The following ESCO1 variants were observed in gnomAD, a reference collection of about 807,000 sequenced individuals.
ESCO1 encodes N-acetyltransferase ESCO1.
In ESCO1, 33 loss-of-function variants were observed where a neutral mutation model predicts 83.5. That is an observed-to-expected ratio of 0.40 (90% CI 0.30 to 0.53). The LOEUF is 0.53. Ranked by LOEUF, ESCO1 falls within the 20% of genes least tolerant of loss-of-function variation. ESCO1 has a pLI of 0.63. For missense variants in ESCO1, 855 were observed against 968.0 expected (o/e 0.88, Z 1.55); for synonymous variants, 332 against 324.3 (o/e 1.02, Z -0.25).
At chr18:21,547,097 C>T (rs28609256) in intron 8 of ESCO1, among the ~76,000 whole-genome samples, 3,186 of 152,210 alleles carry the variant, frequency 0.021, 120 homozygotes, top group African/African-American at 0.072. Context: ...AGTGCTAACC[C>T]GACTTTTCCA....
Position 21,574,392 on chromosome 18 carries a change from C to A in ESCO1, c.452G>T (p.Ser151Ile). The change falls in exon 4 of 12, where the codon AGT becomes ATT. Residue 151 changes from serine to isoleucine, a missense_variant. Around this residue, in one of 2 missense-constraint regions of ESCO1, gnomAD observed 726 missense variants for 699.5 expected, o/e 1.04. Coordinates refer to ENST00000269214, the MANE Select transcript of ESCO1 (RefSeq NM_052911.3). Reference protein sequence around the residue: ...IQGQVQAVKQSLPPTKKEQCS... With the variant: ...IQGQVQAVKQILPPTKKEQCS... ...CTGCTCTTTTTTAGTTGGTGGCAAA[C>A]TCTGTTTAACTGCTTGAACTTGACC... 1 of 1,614,066 alleles carries A rather than the reference C, an allele frequency of 6.2e-7. No homozygotes were observed.
chr18:21,568,646 T>A (rs1294011307), intron 4 of ESCO1, among the ~76,000 whole-genome samples: 1 of 152,194 alleles, frequency 6.6e-6, no homozygotes, highest in East Asian at 1.9e-4. Flanking sequence ...CTAATGCCTG[T>A]AATCCCAGCA....
intron 6 of ESCO1, among the ~76,000 whole-genome samples, chr18:21,565,535 T>A (rs1447446809): frequency 6.6e-6 from 1 of 152,230 alleles, no homozygotes; most frequent in Non-Finnish European, 1.5e-5. Flanking sequence ...ACATAGGATT[T>A]GTCTTTTCTG....
chr18:21,532,714 T>C, intron 10 of ESCO1, 54 bp from the exon 11 acceptor site: 3 of 1,551,150 alleles, frequency 1.9e-6, no homozygotes, highest in East Asian at 2.3e-5. Flanking sequence ...AATTAGCAAC[T>C]AATACTGATC....
At chr18:21,570,616 A>C (rs2038327128) in intron 4 of ESCO1, among the ~76,000 whole-genome samples, 1 of 152,318 alleles carries the variant, frequency 6.6e-6, no homozygotes, top group South Asian at 2.1e-4. Flanking sequence ...AGAAATAAAA[A>C]CTGAAAAGAT....
intron 6 of ESCO1, among the ~76,000 whole-genome samples, chr18:21,565,727 A>G (rs940772354): frequency 1.3e-5 from 2 of 152,204 alleles, no homozygotes; most frequent in African/African-American, 2.4e-5. Context: ...ACTTGAGGCC[A>G]GGAGTTCGAG....
chr18:21,579,795 CACACACA>C (rs1568109875), intron 2 of ESCO1, among the ~76,000 whole-genome samples: 484 of 10,580 alleles, frequency 0.046, 9 homozygotes, highest in African/African-American at 0.06. Context: ...CGCGCGCGCG[CACACACA>C]CACACACACA....
At chr18:21,592,444 C>T (rs1444715703) in intron 1 of ESCO1, among the ~76,000 whole-genome samples, 1 of 148,280 alleles carries the variant, frequency 6.7e-6, no homozygotes, top group Admixed American at 6.6e-5. Flanking sequence ...CCCCCACCTC[C>T]CTCCCGGATG....
chr18:21,541,539 G>A (rs2037906835), intron 8 of ESCO1, among the ~76,000 whole-genome samples: 1 of 147,404 alleles, frequency 6.8e-6, no homozygotes, highest in Non-Finnish European at 1.5e-5. Flanking sequence ...GTTGCAGTGA[G>A]CTGAGTTCGC....
chr18:21,580,551 C>T (rs1568110262), intron 2 of ESCO1, among the ~76,000 whole-genome samples: 1 of 151,574 alleles, frequency 6.6e-6, no homozygotes, highest in East Asian at 1.9e-4. Flanking sequence ...GAATGTGCAC[C>T]AAAAAATAAG....
intron 8 of ESCO1, chr18:21,540,738 A>C: frequency 8.0e-7 from 1 of 1,248,574 alleles, no homozygotes; most frequent in Non-Finnish European, 1.0e-6. Flanking sequence ...AGCCACTTAA[A>C]TCTAGTAAGA....
chr18:21,534,806 G>A (rs946748410), intron 10 of ESCO1, among the ~76,000 whole-genome samples: 6 of 151,922 alleles, frequency 3.9e-5, no homozygotes, highest in African/African-American at 1.5e-4. Context: ...TGTATTTTTA[G>A]TAGAGACCAC....
chr18:21,583,722 G>A (rs145033882), intron 2 of ESCO1, among the ~76,000 whole-genome samples: 3 of 152,300 alleles, frequency 2.0e-5, no homozygotes, highest in Admixed American at 2.0e-4. Context: ...CATTGCCTGG[G>A]ATGAAGAGTG....
chr18:21,555,728 G>A (rs1336220762), intron 8 of ESCO1, among the ~76,000 whole-genome samples: 1 of 152,120 alleles, frequency 6.6e-6, no homozygotes, highest in African/African-American at 2.4e-5. Context: ...CTTGAGCCCA[G>A]GAGGTTGAGA....
chr18:21,545,468 G>T, intron 8 of ESCO1, among the ~76,000 whole-genome samples: 1 of 151,400 alleles, frequency 6.6e-6, no homozygotes, highest in East Asian at 1.9e-4. Context: ...AGCTACTCAG[G>T]AGGCTGAGGC....
At chr18:21,562,840 C>T (rs2038206846) in intron 7 of ESCO1, among the ~76,000 whole-genome samples, 1 of 151,374 alleles carries the variant, frequency 6.6e-6, no homozygotes, top group Admixed American at 6.6e-5. Flanking sequence ...TATAGATATT[C>T]AAAATCATTT....
intron 8 of ESCO1, among the ~76,000 whole-genome samples, chr18:21,541,204 T>C (rs1445640017): frequency 6.6e-6 from 1 of 152,182 alleles, no homozygotes; most frequent in East Asian, 1.9e-4. Context: ...GGTAAAATGT[T>C]CTCAAGATTT....
chr18:21,591,467 C>T (rs1380393121), intron 1 of ESCO1, among the ~76,000 whole-genome samples: 5 of 152,192 alleles, frequency 3.3e-5, no homozygotes, highest in Non-Finnish European at 1.5e-5. Context: ...CTACAGTTTT[C>T]CCAGCACAAC....
chr18:21,565,649 G>A (rs569677735), intron 6 of ESCO1, among the ~76,000 whole-genome samples: 1 of 152,290 alleles, frequency 6.6e-6, no homozygotes, highest in African/African-American at 2.4e-5. Flanking sequence ...AGAAGAATAA[G>A]GTAGCTGCCA....
Sources: allele counts gnomAD v4.1 joint callset (sites outside exome capture counted in the v4.1 genomes callset), GRCh38; gene constraint gnomAD v4.1.1; regional missense constraint gnomAD v4.1.1; transcripts MANE v1.5; gene names NCBI Gene and HGNC (gene_info 2026-07-23, HGNC 2026-07-21).